Variants in ATP2B2 observed in about 807,000 individuals in gnomAD.
ATP2B2 encodes plasma membrane calcium-transporting ATPase 2.
In ATP2B2, 15 loss-of-function variants were observed where a neutral mutation model predicts 120.0. The ratio of observed to expected loss-of-function variants is 0.12; its 90% CI spans 0.08 to 0.19. The LOEUF is 0.19. ATP2B2 is among the 10% of genes least tolerant of loss of function. The pLI, the probability that ATP2B2 is intolerant of heterozygous loss-of-function variation, is 1.00. For missense variants in ATP2B2, 1,045 were observed against 1,719.8 expected, an observed-to-expected ratio of 0.61 and a Z score of 6.94; for synonymous variants, 694 against 700.3, an observed-to-expected ratio of 0.99 and a Z score of 0.14.
chr3:10,667,518 G>A (rs961915899), intron 1 of ATP2B2, among the ~76,000 whole-genome samples: 1 of 152,248 alleles, frequency 6.6e-6, no homozygotes, highest in African/African-American at 2.4e-5. Context: ...GCTGCAGTCT[G>A]CATCAGGAAG....
intron 2 of ATP2B2, among the ~76,000 whole-genome samples, chr3:10,413,404 G>A (rs2062679672): frequency 6.6e-6 from 1 of 152,250 alleles, no homozygotes; most frequent in Non-Finnish European, 1.5e-5. Flanking sequence ...GCTTGTTGGT[G>A]CAGGCAAGCT....
At chr3:10,439,488 A>G (rs951818134) in intron 2 of ATP2B2, among the ~76,000 whole-genome samples, 7 of 152,200 alleles carry the variant, frequency 4.6e-5, no homozygotes, top group Non-Finnish European at 1.0e-4. Context: ...TGGGCCAGGC[A>G]CATTGTGTGT....
intron 3 of ATP2B2, among the ~76,000 whole-genome samples, chr3:10,512,697 G>T (rs1342075523): frequency 6.6e-6 from 1 of 152,202 alleles, no homozygotes. Context: ...CTCACTCCCT[G>T]TGAGGTTTGC....
intron 2 of ATP2B2, among the ~76,000 whole-genome samples, chr3:10,564,807 C>T (rs1259341242): frequency 1.3e-5 from 2 of 152,322 alleles, no homozygotes; most frequent in Admixed American, 1.3e-4. Flanking sequence ...GATGATAACT[C>T]TGCATCCCAA....
At chr3:10,549,364 A>C (rs2067618549) in intron 2 of ATP2B2, among the ~76,000 whole-genome samples, 1 of 152,160 alleles carries the variant, frequency 6.6e-6, no homozygotes, top group Non-Finnish European at 1.5e-5. Flanking sequence ...GTCTCAGCAC[A>C]GGGCTTGGCA....
intron 1 of ATP2B2, among the ~76,000 whole-genome samples, chr3:10,468,641 G>C (rs956725815): frequency 2.6e-4 from 40 of 152,252 alleles, no homozygotes; most frequent in African/African-American, 9.2e-4. Context: ...TTTTACAGAT[G>C]AGGGGTCTGT....
intron 2 of ATP2B2, among the ~76,000 whole-genome samples, chr3:10,555,778 T>C (rs747831468): frequency 6.6e-6 from 1 of 152,108 alleles, no homozygotes; most frequent in Non-Finnish European, 1.5e-5. Context: ...CAAAAGGCAG[T>C]GGCTGTTTTC....
At chr3:10,444,416 G>A (rs1220001508) in intron 2 of ATP2B2, among the ~76,000 whole-genome samples, 2 of 152,152 alleles carry the variant, frequency 1.3e-5, no homozygotes, top group African/African-American at 2.4e-5. Flanking sequence ...GGACGTTCTC[G>A]TTCAATATCA....
chr3:10,379,064 C>A (rs2061457568), intron 9 of ATP2B2, among the ~76,000 whole-genome samples, 179 bp downstream of exon 9: 1 of 152,138 alleles, frequency 6.6e-6, no homozygotes. Flanking sequence ...CCGGTGGACA[C>A]CTCTTTATTT....
Position 10,343,545 on chromosome 3 carries a change from C to T in ATP2B2, c.2704-580G>A, listed in dbSNP as rs1392679424. Among the ~76,000 whole-genome samples the T allele has an allele frequency of 6.6e-6, 1 of 152,044 alleles. No homozygotes were observed. Among genetic ancestry groups the T allele is most frequent in the Non-Finnish European group, 1.5e-5 (1 of 68,006 alleles). ...AAGCAACTAAAACTGTCAAGGACCT[C>T]ACCACTTTTAGGTCACCACTGTCCA... On this transcript the variant is annotated intron_variant, in intron 18 of 22. Transcript: ENST00000360273. The surrounding 1 kb of genome is among the most constrained non-coding windows in gnomAD (Gnocchi z 4.2).
chr3:10,515,494 C>T (rs2066859891), intron 3 of ATP2B2, among the ~76,000 whole-genome samples: 1 of 152,184 alleles, frequency 6.6e-6, no homozygotes, highest in African/African-American at 2.4e-5. Context: ...AGGACCTCCC[C>T]CAAGGGTGGT....
intron 2 of ATP2B2, among the ~76,000 whole-genome samples, chr3:10,540,524 G>A (rs1006644985): frequency 1.3e-5 from 2 of 152,112 alleles, no homozygotes; most frequent in African/African-American, 2.4e-5. Context: ...ATACACCATG[G>A]AATACTATGT....
chr3:10,475,769 C>A (rs2065182036), intron 1 of ATP2B2, among the ~76,000 whole-genome samples: 1 of 152,192 alleles, frequency 6.6e-6, no homozygotes, highest in Non-Finnish European at 1.5e-5. Flanking sequence ...GTTTCTGCTG[C>A]CAAAGCCAAA....
chr3:10,479,821 C>T (rs2065339964), intron 1 of ATP2B2, among the ~76,000 whole-genome samples: 1 of 152,156 alleles, frequency 6.6e-6, no homozygotes, highest in Non-Finnish European at 1.5e-5. Context: ...TCTGGCTGGG[C>T]TTGGTGGCTC....
chr3:10,681,886 A>C (rs2071392457), intron 1 of ATP2B2, among the ~76,000 whole-genome samples: 1 of 152,196 alleles, frequency 6.6e-6, no homozygotes. Context: ...GAGAATTTGC[A>C]ATTTGGTATA....
intron 7 of ATP2B2, 115 bp from the exon 8 acceptor site, chr3:10,385,442 A>T: frequency 1.1e-6 from 1 of 901,504 alleles, no homozygotes; most frequent in Non-Finnish European, 1.7e-6. Context: ...TAAAAAAAAA[A>T]ATTATCCTTT....
chr3:10,669,441 C>T (rs907103530), intron 1 of ATP2B2, among the ~76,000 whole-genome samples: 1 of 152,158 alleles, frequency 6.6e-6, no homozygotes, highest in African/African-American at 2.4e-5. Context: ...CTCCTCACCT[C>T]CCAGCTCCTC....
chr3:10,691,364 C>T (rs1442402227), intron 1 of ATP2B2, among the ~76,000 whole-genome samples: 1 of 152,214 alleles, frequency 6.6e-6, no homozygotes, highest in African/African-American at 2.4e-5. Context: ...AAGCCTCTTC[C>T]CTCTCTGGTT....
chr3:10,540,544 A>G (rs140032743), intron 2 of ATP2B2, among the ~76,000 whole-genome samples: 1 of 152,234 alleles, frequency 6.6e-6, no homozygotes, highest in Non-Finnish European at 1.5e-5. Flanking sequence ...TAGCCATAAA[A>G]AAGGATGAGT....
Sources: gnomAD v4.1 joint callset for allele counts (sites outside exome capture counted in the v4.1 genomes callset) on GRCh38, gnomAD v4.1.1 for gene constraint, Gnocchi (gnomAD v3.1) non-coding constraint, MANE v1.5 for transcripts, NCBI Gene and HGNC (gene_info 2026-07-23, HGNC 2026-07-21) for gene names.